ATF7IP2: variants seen among roughly 807,000 people sequenced by gnomAD.
ATF7IP2 encodes the protein activating transcription factor 7 interacting protein 2, also known as activating transcription factor 7-interacting protein 2.
Under a neutral mutation model 64.2 loss-of-function variants are expected in ATF7IP2, and 42 were observed. The ratio of observed to expected loss-of-function variants is 0.65; its 90% CI spans 0.51 to 0.85. ATF7IP2 has a LOEUF of 0.85. ATF7IP2 is among the 40% of genes least tolerant of loss of function. ATF7IP2 has a pLI of 0.00. For missense variants in ATF7IP2, 933 were observed against 784.2 expected (o/e 1.19, Z -2.27); for synonymous variants, 308 against 272.8 (o/e 1.13, Z -1.27).
chr16:10,407,700 T>C (rs2047671325), intron 1 of ATF7IP2, among the ~76,000 whole-genome samples: 1 of 152,126 alleles, frequency 6.6e-6, no homozygotes, highest in Admixed American at 6.6e-5. Context: ...GTTACATAAG[T>C]TCTTTAGTGG....
At chr16:10,417,207 G>A (rs1442166921) in intron 2 of ATF7IP2, among the ~76,000 whole-genome samples, 2 of 152,150 alleles carry the variant, frequency 1.3e-5, no homozygotes, top group Admixed American at 1.3e-4. Flanking sequence ...TCGATAATGT[G>A]ACAGGATCAA....
chr16:10,451,695 C>G (rs1180747341), intron 8 of ATF7IP2, among the ~76,000 whole-genome samples: 2 of 151,970 alleles, frequency 1.3e-5, no homozygotes, highest in African/African-American at 4.8e-5. Context: ...CTTCTCTAAA[C>G]TGGTTATTCT....
At chr16:10,420,868 C>T (rs1260384591) in intron 3 of ATF7IP2, among the ~76,000 whole-genome samples, 1 of 152,212 alleles carries the variant, frequency 6.6e-6, no homozygotes, top group Non-Finnish European at 1.5e-5. Flanking sequence ...AAATACTTTA[C>T]CTTTCAAGCC....
chr16:10,392,110 C>G (rs8057804), intron 1 of ATF7IP2, among the ~76,000 whole-genome samples: 144,886 of 145,406 alleles, frequency 1, 72,186 homozygotes, highest in East Asian at 1. Context: ...CTGGAGTGAA[C>G]GGGCAAGATC....
intron 9 of ATF7IP2, among the ~76,000 whole-genome samples, chr16:10,469,438 TA>T (rs1360722873): frequency 1.3e-5 from 2 of 151,682 alleles, no homozygotes; most frequent in African/African-American, 4.8e-5. Flanking sequence ...TCTAAATCCA[TA>T]AATGAAAAAA....
intron 5 of ATF7IP2, among the ~76,000 whole-genome samples, chr16:10,431,704 T>G (rs1206118735): frequency 6.6e-6 from 1 of 152,218 alleles, no homozygotes; most frequent in Admixed American, 6.5e-5. Context: ...AAAAGGTGGT[T>G]TATAGCAATT....
chr16:10,424,201 G>A (rs563773536), intron 3 of ATF7IP2, among the ~76,000 whole-genome samples: 1 of 152,180 alleles, frequency 6.6e-6, no homozygotes, highest in Non-Finnish European at 1.5e-5. Flanking sequence ...GTGTTCCCTT[G>A]CCCTAATTCT....
intron 9 of ATF7IP2, among the ~76,000 whole-genome samples, chr16:10,459,088 C>T (rs2049282589): frequency 6.6e-6 from 1 of 151,796 alleles, no homozygotes; most frequent in African/African-American, 2.4e-5. Context: ...AATCCCAGCT[C>T]TTTGGGAGGC....
intron 1 of ATF7IP2, among the ~76,000 whole-genome samples, chr16:10,407,826 C>T (rs1332250682): frequency 1.3e-5 from 2 of 152,004 alleles, no homozygotes; most frequent in East Asian, 3.9e-4. Flanking sequence ...TTGTATCATT[C>T]TTAGGCCTTT....
chr16:10,432,606 C>T (rs949273862), intron 5 of ATF7IP2, among the ~76,000 whole-genome samples: 3 of 152,084 alleles, frequency 2.0e-5, no homozygotes, highest in African/African-American at 7.2e-5. Flanking sequence ...CTGTGCCTAA[C>T]GAATACAATC....
At chr16:10,417,849 A>T (rs1233350996) in intron 2 of ATF7IP2, among the ~76,000 whole-genome samples, 1 of 152,242 alleles carries the variant, frequency 6.6e-6, no homozygotes. Context: ...TGAACCCAGA[A>T]ATACACCTTC....
At chr16:10,480,578 G>A (rs1220405767) in intron 12 of ATF7IP2, among the ~76,000 whole-genome samples, 1 of 150,794 alleles carries the variant, frequency 6.6e-6, no homozygotes, top group Admixed American at 6.7e-5. Flanking sequence ...TTGGCCTAAC[G>A]AGAAAATTTG....
intron 1 of ATF7IP2, among the ~76,000 whole-genome samples, chr16:10,393,917 G>T (rs144932158): frequency 1.2e-3 from 185 of 152,248 alleles, no homozygotes; most frequent in Middle Eastern, 3.4e-3. Context: ...TGGCACATAC[G>T]TGTAGTCCCA....
intron 12 of ATF7IP2, among the ~76,000 whole-genome samples, chr16:10,474,940 G>C (rs929596912): frequency 2.6e-5 from 4 of 152,176 alleles, no homozygotes; most frequent in African/African-American, 9.7e-5. Context: ...AAGCAACTTT[G>C]GGAGGTCAGG....
intron 9 of ATF7IP2, among the ~76,000 whole-genome samples, chr16:10,469,038 C>T (rs893628182): frequency 2.0e-5 from 3 of 152,148 alleles, no homozygotes; most frequent in African/African-American, 7.2e-5. Flanking sequence ...CAAAGTCTAA[C>T]ACTCTTCTGA....
chr16:10,475,685 T>C (rs1596632100), intron 12 of ATF7IP2, among the ~76,000 whole-genome samples: 1 of 96,098 alleles, frequency 1.0e-5, no homozygotes, highest in Non-Finnish European at 1.8e-5. Context: ...AGAGCGAAAC[T>C]CCGTCTCAAA....
intron 1 of ATF7IP2, among the ~76,000 whole-genome samples, chr16:10,410,419 G>A (rs1252149671): frequency 6.6e-6 from 1 of 152,026 alleles, no homozygotes; most frequent in Non-Finnish European, 1.5e-5. Flanking sequence ...AGTTCTGGAC[G>A]TTTCTCAGCT....
chr16:10,412,713 A>G (rs771763189), intron 1 of ATF7IP2, among the ~76,000 whole-genome samples: 4 of 152,086 alleles, frequency 2.6e-5, no homozygotes, highest in Non-Finnish European at 5.9e-5. Context: ...GTATAGTTTA[A>G]ATCCATTATT....
At chr16:10,399,474 A>G (rs1345897279) in intron 1 of ATF7IP2, among the ~76,000 whole-genome samples, 1 of 152,154 alleles carries the variant, frequency 6.6e-6, no homozygotes, top group Non-Finnish European at 1.5e-5. Context: ...ATTCTTGTCA[A>G]CTTTGTCAAA....
Sources: gnomAD v4.1 joint callset for allele counts (sites outside exome capture counted in the v4.1 genomes callset) on GRCh38, gnomAD v4.1.1 for gene constraint, MANE v1.5 for transcripts, NCBI Gene and HGNC (gene_info 2026-07-23, HGNC 2026-07-21) for gene names.